Variants in TBC1D5 observed in about 807,000 individuals in gnomAD.
TBC1D5 encodes the protein TBC1 domain family, member 5.
Under a neutral mutation model 100.3 loss-of-function variants are expected in TBC1D5, and 75 were observed. The ratio of observed to expected loss-of-function variants is 0.75; its 90% CI spans 0.62 to 0.91. TBC1D5 has a LOEUF of 0.91. TBC1D5 is among the 40% of genes least tolerant of loss of function. The pLI, the probability that TBC1D5 is intolerant of heterozygous loss-of-function variation, is 0.00. For synonymous variants in TBC1D5, 323 were observed against 325.6 expected, an observed-to-expected ratio of 0.99 and a Z score of 0.09; for missense variants, 910 against 942.4, an observed-to-expected ratio of 0.97 and a Z score of 0.45.
chr3:17,389,414 T>C (rs1242595132), intron 8 of TBC1D5, among the ~76,000 whole-genome samples: 1 of 152,110 alleles, frequency 6.6e-6, no homozygotes, highest in African/African-American at 2.4e-5. Context: ...TAGTGACCAG[T>C]TTCTCAAAAA....
intron 13 of TBC1D5, among the ~76,000 whole-genome samples, chr3:17,348,004 A>G (rs1575460399): frequency 9.3e-6 from 1 of 107,704 alleles, no homozygotes; most frequent in Admixed American, 8.2e-5. Context: ...CCCTGTCTCT[A>G]CAACATAAAA....
intron 2 of TBC1D5, among the ~76,000 whole-genome samples, chr3:17,520,496 CT>C (rs2096052631): frequency 6.6e-6 from 1 of 151,954 alleles, no homozygotes; most frequent in South Asian, 2.1e-4. Context: ...AAGAAAGTTT[CT>C]TTATAAATAC....
intron 19 of TBC1D5, chr3:17,184,612 C>G (rs1463410680): frequency 2.6e-5 from 4 of 152,124 alleles, no homozygotes; most frequent in African/African-American, 4.8e-5. Flanking sequence ...GCTGCAACCT[C>G]AAACCCCTGG....
rs941819155 is a variant in TBC1D5, at chr3:17,482,850, T to A, written c.97+25624A>T. Among the ~76,000 whole-genome samples, 4 of 152,122 alleles carry A rather than the reference T, an allele frequency of 2.6e-5. No individual in the cohort carries two copies. The East Asian group carries it at 7.7e-4, about 29-fold the overall frequency. On this transcript the variant is annotated intron_variant, in intron 3 of 21. Coordinates refer to ENST00000253692, the Ensembl canonical transcript of TBC1D5. ...TTGTCAGTACAACTAATTGTCAGGA[T>A]TGGGGAGATCTCCTATATCTAAACA...
At chr3:17,278,118 T>C (rs2080214886) in intron 15 of TBC1D5, among the ~76,000 whole-genome samples, 1 of 152,152 alleles carries the variant, frequency 6.6e-6, no homozygotes, top group South Asian at 2.1e-4. Context: ...ATAAAAAGCA[T>C]CAAGTTTACC....
chr3:17,177,865 C>A (rs1253294587), intron 19 of TBC1D5, among the ~76,000 whole-genome samples: 2 of 152,100 alleles, frequency 1.3e-5, no homozygotes, highest in Non-Finnish European at 2.9e-5. Context: ...ATCTCCATCA[C>A]CTCAAGCATT....
chr3:17,258,919 C>T (rs2078009277), intron 15 of TBC1D5, among the ~76,000 whole-genome samples: 1 of 151,996 alleles, frequency 6.6e-6, no homozygotes, highest in African/African-American at 2.4e-5. Context: ...AGATGTAACA[C>T]AACCACAAAC....
At chr3:17,256,439 T>A (rs530305311) in intron 16 of TBC1D5, among the ~76,000 whole-genome samples, 1 of 148,316 alleles carries the variant, frequency 6.7e-6, no homozygotes, top group South Asian at 2.1e-4. Flanking sequence ...AATATATATA[T>A]AAACTCATTG....
chr3:17,577,590 T>C (rs1184089756), intron 2 of TBC1D5, among the ~76,000 whole-genome samples: 2 of 151,848 alleles, frequency 1.3e-5, no homozygotes, highest in Non-Finnish European at 1.5e-5. Flanking sequence ...CATTCAATAA[T>C]AAGAAAAATG....
chr3:17,633,551 A>T (rs1443352550), intron 1 of TBC1D5, among the ~76,000 whole-genome samples: 1 of 152,188 alleles, frequency 6.6e-6, no homozygotes, highest in Non-Finnish European at 1.5e-5. Context: ...AAAAAAAAAT[A>T]ATAATGCTGT....
At chr3:17,186,749 A>AAAAAG (rs1303053641) in intron 18 of TBC1D5, among the ~76,000 whole-genome samples, 11 of 150,082 alleles carry the variant, frequency 7.3e-5, no homozygotes, top group Non-Finnish European at 1.2e-4. Flanking sequence ...AAAAAATTAA[A>AAAAAG]AAAAGAAAAG....
chr3:17,278,628 C>G (rs2149837917), intron 15 of TBC1D5, among the ~76,000 whole-genome samples: 1 of 152,214 alleles, frequency 6.6e-6, no homozygotes, highest in South Asian at 2.1e-4. Context: ...GTTTTTGAGA[C>G]TGATACTCTG....
At chr3:17,713,224 T>C (rs2074915457) in intron 1 of TBC1D5, among the ~76,000 whole-genome samples, 1 of 151,994 alleles carries the variant, frequency 6.6e-6, no homozygotes, top group Non-Finnish European at 1.5e-5. Context: ...TTTTAAATTA[T>C]TGTGTTTTTC....
intron 3 of TBC1D5, among the ~76,000 whole-genome samples, chr3:17,502,305 A>G (rs911172481): frequency 6.7e-6 from 1 of 149,920 alleles, no homozygotes; most frequent in African/African-American, 2.5e-5. Flanking sequence ...TATCACAACA[A>G]TGACTTTGTC....
chr3:17,169,505 T>C (rs1315663722), intron 19 of TBC1D5, among the ~76,000 whole-genome samples: 1 of 152,222 alleles, frequency 6.6e-6, no homozygotes, highest in East Asian at 1.9e-4. Context: ...TCTTCTTACA[T>C]ACTGTAGCAG....
intron 14 of TBC1D5, among the ~76,000 whole-genome samples, chr3:17,295,016 T>A (rs2082112041): frequency 2.0e-5 from 3 of 152,174 alleles, no homozygotes; most frequent in Non-Finnish European, 4.4e-5. Context: ...TTCCCAATAT[T>A]TATTCTATCA....
At chr3:17,318,356 A>G (rs1367995810) in intron 13 of TBC1D5, among the ~76,000 whole-genome samples, 1 of 152,124 alleles carries the variant, frequency 6.6e-6, no homozygotes, top group African/African-American at 2.4e-5. Context: ...GTGCACATGT[A>G]CCCTAAAACT....
intron 1 of TBC1D5, among the ~76,000 whole-genome samples, chr3:17,718,333 C>T (rs531177630): frequency 6.6e-5 from 10 of 152,262 alleles, no homozygotes; most frequent in African/African-American, 1.2e-4. Flanking sequence ...CGGTGGCTCA[C>T]GCCTGTAATC....
chr3:17,722,133 TATC>T (rs1281801508), intron 1 of TBC1D5, among the ~76,000 whole-genome samples: 2 of 152,168 alleles, frequency 1.3e-5, no homozygotes, highest in Non-Finnish European at 2.9e-5. Context: ...CAAAAAAAAG[TATC>T]ATTACTATCA....
Sources: gnomAD v4.1 joint callset for allele counts (sites outside exome capture counted in the v4.1 genomes callset) on GRCh38, gnomAD v4.1.1 for gene constraint, MANE v1.5 for transcripts, NCBI Gene and HGNC (gene_info 2026-07-23, HGNC 2026-07-21) for gene names.